HDAC9: variants seen among roughly 807,000 people sequenced by gnomAD.
The protein encoded by HDAC9 is MEF-2 interacting transcription repressor (MITR) protein.
In HDAC9, 41 loss-of-function variants were observed where a neutral mutation model predicts 139.4. That is an observed-to-expected ratio of 0.29 (90% confidence interval 0.23 to 0.38). The LOEUF is 0.38. HDAC9 is among the 10% of genes least tolerant of loss of function. The pLI is 1.00. For synonymous variants in HDAC9, 517 were observed against 476.2 expected, an observed-to-expected ratio of 1.09 and a Z score of -1.12; for missense variants, 1,147 against 1,297.0, an observed-to-expected ratio of 0.88 and a Z score of 1.78.
intron 16 of HDAC9, among the ~76,000 whole-genome samples, chr7:18,770,863 C>T (rs1012431491): frequency 3.9e-5 from 6 of 152,090 alleles, no homozygotes; most frequent in African/African-American, 1.4e-4. Flanking sequence ...AGGACCAGAT[C>T]AGTGAGAAGC....
chr7:18,667,878 G>C (rs1795268171), intron 12 of HDAC9: 4 of 983,182 alleles, frequency 4.1e-6, no homozygotes, highest in Non-Finnish European at 4.8e-6. Flanking sequence ...GTTTACTTTT[G>C]TTAAGCTAGT....
chr7:18,681,660 C>A (rs979813161), intron 12 of HDAC9, among the ~76,000 whole-genome samples: 3 of 151,904 alleles, frequency 2.0e-5, no homozygotes, highest in South Asian at 2.1e-4. Flanking sequence ...TTAGTTGTCC[C>A]AGATTTGAGG....
chr7:18,250,600 T>A (rs1794855869), intron 2 of HDAC9, among the ~76,000 whole-genome samples: 1 of 152,212 alleles, frequency 6.6e-6, no homozygotes, highest in Non-Finnish European at 1.5e-5. Context: ...TTACACATAG[T>A]CACTGCTCAA....
chr7:18,669,888 A>G (rs1554323029), intron 12 of HDAC9, among the ~76,000 whole-genome samples: 1 of 151,890 alleles, frequency 6.6e-6, no homozygotes, highest in Non-Finnish European at 1.5e-5. Flanking sequence ...TGGTTGATGA[A>G]GTGTAGACTG....
chr7:18,346,211 A>G (rs1454519546), intron 1 of HDAC9, among the ~76,000 whole-genome samples: 1 of 152,240 alleles, frequency 6.6e-6, no homozygotes, highest in East Asian at 1.9e-4. Flanking sequence ...AAAAAACCCA[A>G]AATGTTTCTA....
At chr7:18,389,994 TG>T (rs1354920778) in intron 1 of HDAC9, among the ~76,000 whole-genome samples, 6 of 150,046 alleles carry the variant, frequency 4.0e-5, no homozygotes, top group Non-Finnish European at 8.9e-5. Context: ...GTAGTTGTTC[TG>T]AAAAAATAAG....
chr7:18,308,643 T>C (rs977832681), intron 1 of HDAC9, among the ~76,000 whole-genome samples: 1 of 152,222 alleles, frequency 6.6e-6, no homozygotes, highest in Non-Finnish European at 1.5e-5. Flanking sequence ...ATCTTTTTCT[T>C]GTGTCAGATT....
intron 16 of HDAC9, among the ~76,000 whole-genome samples, chr7:18,787,501 C>G (rs969531055): frequency 2.0e-5 from 3 of 152,160 alleles, no homozygotes; most frequent in Non-Finnish European, 4.4e-5. Flanking sequence ...ACTAAAGCTG[C>G]CTTCATGCTT....
chr7:18,808,575 G>GA (rs1451133519), intron 17 of HDAC9, among the ~76,000 whole-genome samples: 1 of 151,640 alleles, frequency 6.6e-6, no homozygotes, highest in African/African-American at 2.4e-5. Context: ...AAAATACTTA[G>GA]AAAAAAATTA....
At chr7:18,638,440 T>C (rs1784556934) in intron 8 of HDAC9, among the ~76,000 whole-genome samples, 1 of 152,070 alleles carries the variant, frequency 6.6e-6, no homozygotes, top group Non-Finnish European at 1.5e-5. Flanking sequence ...TGTAGTAGAA[T>C]GTATGGGTGT....
chr7:18,885,262 C>G (rs1213243658), intron 22 of HDAC9, among the ~76,000 whole-genome samples: 1 of 152,168 alleles, frequency 6.6e-6, no homozygotes, highest in Non-Finnish European at 1.5e-5. Context: ...AGATTATATT[C>G]TTGACTGAAA....
intron 1 of HDAC9, among the ~76,000 whole-genome samples, chr7:18,090,454 G>T (rs751163229): frequency 6.6e-5 from 10 of 152,182 alleles, no homozygotes; most frequent in Non-Finnish European, 1.2e-4. Flanking sequence ...ACACACCTCT[G>T]CAGAATATTT....
chr7:18,706,742 A>G (rs1035912697), intron 12 of HDAC9, among the ~76,000 whole-genome samples: 1 of 152,324 alleles, frequency 6.6e-6, no homozygotes, highest in Middle Eastern at 3.4e-3. Context: ...CTTACAATAT[A>G]TAGGACAGAG....
At chr7:18,911,544 C>T (rs1449861738) in intron 22 of HDAC9, among the ~76,000 whole-genome samples, 6 of 150,342 alleles carry the variant, frequency 4.0e-5, no homozygotes, top group African/African-American at 1.5e-4. Context: ...ATTTCTTTAC[C>T]TTTACTAATT....
intron 1 of HDAC9, among the ~76,000 whole-genome samples, chr7:18,329,550 C>A (rs1314604240): frequency 6.7e-6 from 1 of 149,210 alleles, no homozygotes. Flanking sequence ...GAAATGTCAT[C>A]TCTCCAAAAA....
At chr7:18,831,510 C>A (rs1795854137) in intron 19 of HDAC9, among the ~76,000 whole-genome samples, 1 of 152,122 alleles carries the variant, frequency 6.6e-6, no homozygotes, top group Non-Finnish European at 1.5e-5. Flanking sequence ...ATACTGATTT[C>A]CCAACAGGCT....
chr7:18,140,432 A>G (rs1785817277), intron 1 of HDAC9, among the ~76,000 whole-genome samples: 1 of 152,158 alleles, frequency 6.6e-6, no homozygotes, highest in African/African-American at 2.4e-5. Context: ...ACTGTCTTCC[A>G]CCGAACTTTA....
At chr7:18,280,569 C>T (rs548365363) in intron 2 of HDAC9, among the ~76,000 whole-genome samples, 70 of 146,660 alleles carry the variant, frequency 4.8e-4, no homozygotes, top group African/African-American at 1.5e-3. Context: ...GCCTGGGTGA[C>T]AGAGCGAGAC....
intron 11 of HDAC9, among the ~76,000 whole-genome samples, chr7:18,652,798 T>G (rs1480415194): frequency 6.6e-6 from 1 of 152,182 alleles, no homozygotes; most frequent in Non-Finnish European, 1.5e-5. Flanking sequence ...AGTAGTTACT[T>G]TAATGAATTA....
Sources: gnomAD v4.1 joint callset for allele counts (sites outside exome capture counted in the v4.1 genomes callset) on GRCh38, gnomAD v4.1.1 for gene constraint, MANE v1.5 for transcripts, NCBI Gene and HGNC (gene_info 2026-07-23, HGNC 2026-07-21) for gene names.